Variants in ZNF562 observed in about 807,000 individuals in gnomAD.
The protein encoded by ZNF562 is zinc finger protein 562.
A neutral mutation model predicts 17.5 loss-of-function variants in ZNF562; 13 were observed. The ratio of observed to expected loss-of-function variants is 0.74; its 90% CI spans 0.48 to 1.18. The LOEUF is 1.18. ZNF562 is among the 50% of genes most tolerant of loss of function. The pLI is 0.00. For missense variants in ZNF562, 481 were observed against 498.5 expected, an observed-to-expected ratio of 0.96 and a Z score of 0.33; for synonymous variants, 163 against 165.4, an observed-to-expected ratio of 0.99 and a Z score of 0.11.
At position 9,648,477 on chromosome 19, in the gene ZNF562, A is replaced by C. The variant is rs2074824956; in HGVS notation, c.*4472T>G. The C allele has an allele frequency of 2.0e-5, 3 of 151,944 alleles. No homozygotes were observed. The South Asian group carries it at 6.2e-4, about 32-fold the overall frequency. 9.4% of individuals were successfully genotyped at this position (151,944 alleles called of 1,614,324 possible). On this transcript the variant is annotated 3_prime_UTR_variant, in exon 6 of 6. Transcript: ENST00000453372. ...ATCACCACACCCAGCTAATTTTTGTATTGTTAGTAGAGATGGGGTTTCACC... is the reference window on the plus strand; with the variant it reads ...ATCACCACACCCAGCTAATTTTTGTCTTGTTAGTAGAGATGGGGTTTCACC...
rs1555695047 is a variant in ZNF562, at chr19:9,650,405, T to TACACAA, written c.*2543_*2544insTTGTGT. 5.0e-5 allele frequency: 7 copies of TACACAA among 140,590 alleles called. No individual in the cohort carries two copies. The highest frequency in any genetic ancestry group is 4.4e-4 in the Admixed American group (6 of 13,742). 8.7% of individuals were successfully genotyped at this position (140,590 alleles called of 1,614,324 possible). A position where few individuals can be genotyped will look rare whatever the true frequency, so the allele number is the denominator to read the frequency against. ...ATATATATGTATATATATATACACATACACACACACACACACACACACACA... is the reference window on the plus strand; with the variant it reads ...ATATATATGTATATATATATACACATACACAAACACACACACACACACACACACACA... On this transcript the variant is annotated 3_prime_UTR_variant, in exon 6 of 6. Coordinates refer to ENST00000453372, the MANE Select transcript of ZNF562 (RefSeq NM_001130031.2).
In ZNF562 at chr19:9,652,445, GCAGC is replaced by G. The variant is rs1248870686; in HGVS notation, c.*500_*503del. On this transcript the variant is annotated 3_prime_UTR_variant, in exon 6 of 6. Transcript: ENST00000453372. ...ATTTTGACATGAATGTGCCACACTG[GCAGC>G]CACTAACCAACAGGGGCTGGGATCA... is the stretch of plus-strand genomic sequence containing the variant. 2 of 152,272 alleles carry G rather than the reference GCAGC, an allele frequency of 1.3e-5. No individual in the cohort carries two copies. The highest frequency in any genetic ancestry group is 3.9e-4 in the East Asian group (2 of 5,194). 9.4% of individuals were successfully genotyped at this position (152,272 alleles called of 1,614,324 possible). A position where few individuals can be genotyped will look rare whatever the true frequency, so the allele number is the denominator to read the frequency against.
chr19:9,669,150 A>G (rs2044054174), intron 1 of ZNF562, among the ~76,000 whole-genome samples: 1 of 152,214 alleles, frequency 6.6e-6, no homozygotes. Context: ...CCACAGCAAA[A>G]GAAACAATCA....
chr19:9,668,350 G>A (rs118094680), intron 1 of ZNF562, among the ~76,000 whole-genome samples: 4,324 of 152,132 alleles, frequency 0.028, 83 homozygotes, highest in Non-Finnish European at 0.042. Context: ...CTGTACTCCA[G>A]CCTGGGCAAC....
rs185370094 is a variant in ZNF562 at position 9,671,696 on chromosome 19, C to T, written c.-131+3319G>A. On this transcript the variant is annotated intron_variant, in intron 1 of 5. Transcript: ENST00000453372. ...ATCCAGCAGACCCAGTGATACTCAA[C>T]GTGTCCATGTTAAATGGCATGTTAT... 2.7e-3 allele frequency among the ~76,000 whole-genome samples: 415 copies of T among 152,340 alleles called. 9 individuals are homozygous for T. Among genetic ancestry groups the T allele is most frequent in the Middle Eastern group, 0.02 (6 of 294 alleles).
At chr19:9,674,067 G>C (rs928518574) in intron 1 of ZNF562, among the ~76,000 whole-genome samples, 2 of 152,238 alleles carry the variant, frequency 1.3e-5, no homozygotes, top group Admixed American at 6.5e-5. Context: ...AGGGGAAGGG[G>C]TTCTTATTCT....
At chr19:9,672,528 T>A (rs980818638) in intron 1 of ZNF562, among the ~76,000 whole-genome samples, 2 of 152,192 alleles carry the variant, frequency 1.3e-5, no homozygotes, top group South Asian at 4.1e-4. Context: ...GGATCAAATT[T>A]TTCAGAAAAA....
At position 9,645,754 on chromosome 19, in the gene ZNF562, G is replaced by A. The variant is rs1243594420; in HGVS notation, c.*7195C>T. ...CACTTCCTTCTGGGTCTCTCTCCAAGTGTAGTAAGTGTATATGGGAATCAC... is the reference window on the plus strand; with the variant it reads ...CACTTCCTTCTGGGTCTCTCTCCAAATGTAGTAAGTGTATATGGGAATCAC... On this transcript the variant is annotated 3_prime_UTR_variant, in exon 6 of 6. Coordinates refer to ENST00000453372, the MANE Select transcript of ZNF562 (RefSeq NM_001130031.2). 2.0e-5 allele frequency: 3 copies of A among 152,202 alleles called. No homozygotes were observed. Among genetic ancestry groups the A allele is most frequent in the Admixed American group, 6.5e-5 (1 of 15,276 alleles). 9.4% of individuals were successfully genotyped at this position (152,202 alleles called of 1,614,324 possible). A position where few individuals can be genotyped will look rare whatever the true frequency, so the allele number is the denominator to read the frequency against.
chr19:9,674,607 A>T (rs895564170), intron 1 of ZNF562: 3 of 152,088 alleles, frequency 2.0e-5, no homozygotes, highest in Admixed American at 2.0e-4. Flanking sequence ...AGCCCTCTTG[A>T]AACCATTTTT....
intron 1 of ZNF562, among the ~76,000 whole-genome samples, chr19:9,669,953 T>C (rs1466029792): frequency 1.3e-5 from 2 of 152,066 alleles, no homozygotes; most frequent in Non-Finnish European, 2.9e-5. Context: ...TCCCAGCTAC[T>C]CCAGAGGCTG....
Position 9,653,251 on chromosome 19 carries a change from T to C in ZNF562, c.979A>G (p.Arg327Gly). ...KCTECGKAFT[R>G]STHLTQHVRT... ...ACATGTTGAGTAAGGTGAGTTGATC[T>C]AGTGAAGGCTTTCCCACATTCCGTA... Residue 327 changes from arginine (R) to glycine (G), a missense_variant, in exon 6 of 6, where the codon AGA becomes GGA. By Grantham distance (125) the Arg-to-Gly change is moderately radical. Coordinates refer to ENST00000453372, the MANE Select transcript of ZNF562 (RefSeq NM_001130031.2). 1 of 1,614,226 alleles carries C rather than the reference T, an allele frequency of 6.2e-7. No homozygotes were observed. Among genetic ancestry groups the C allele is most frequent in the Non-Finnish European group, 8.5e-7 (1 of 1,180,026 alleles).
chr19:9,660,598 C>T (rs2043698813), intron 2 of ZNF562, 122 bp downstream of exon 2: 11 of 947,794 alleles, frequency 1.2e-5, no homozygotes, highest in Admixed American at 4.9e-5. Flanking sequence ...AAGAGCAAAA[C>T]TCCATCTAAA....
rs144311677 is a variant in ZNF562, at chr19:9,653,780, C to G, written c.450G>C (p.Gly150=). Residue 150 remains glycine (G), a synonymous_variant, in exon 6 of 6, where the codon GGG becomes GGC. Transcript: ENST00000453372. The part of the protein sequence containing the change: ...LKTHMRAQNG[G]NTFEGNCYGK... ...CATAACAATTACCCTCAAAAGTGTTCCCTCCATTCTGAGCTCTCATGTGTG... is the reference window on the plus strand; with the variant it reads ...CATAACAATTACCCTCAAAAGTGTTGCCTCCATTCTGAGCTCTCATGTGTG... 7.9e-5 allele frequency: 127 copies of G among 1,614,054 alleles called. No homozygotes were observed. The African/African-American group carries it at 1.5e-3, about 19-fold the overall frequency.
rs533899655 is a variant in ZNF562, at chr19:9,651,236, T to C, written c.*1713A>G. 3.9e-5 allele frequency: 6 copies of C among 152,240 alleles called. No individual in the cohort carries two copies. The highest frequency in any genetic ancestry group is 9.6e-5 in the African/African-American group (4 of 41,538). 9.4% of individuals were successfully genotyped at this position (152,240 alleles called of 1,614,324 possible). A position where few individuals can be genotyped will look rare whatever the true frequency, so the allele number is the denominator to read the frequency against. On this transcript the variant is annotated 3_prime_UTR_variant, in exon 6 of 6. Coordinates refer to ENST00000453372, the MANE Select transcript of ZNF562 (RefSeq NM_001130031.2). ...TAAGGGTTATTCTGGTGAGGTGTCA[T>C]TGGGGAATGAGGAACATGCTATTGG... is the stretch of plus-strand genomic sequence containing the variant.
chr19:9,674,364 C>G (rs1345544106), intron 1 of ZNF562, among the ~76,000 whole-genome samples: 2 of 151,466 alleles, frequency 1.3e-5, no homozygotes, highest in African/African-American at 4.9e-5. Flanking sequence ...AAGTAGAAGG[C>G]AAAGAATTAA....
chr19:9,663,112 A>G (rs1348176072), intron 1 of ZNF562, among the ~76,000 whole-genome samples: 4 of 151,588 alleles, frequency 2.6e-5, no homozygotes, highest in Non-Finnish European at 4.4e-5. Context: ...ATTTGAAAAA[A>G]CAGCCAGAAC....
intron 1 of ZNF562, among the ~76,000 whole-genome samples, chr19:9,661,727 G>A (rs1201797259): frequency 1.3e-5 from 2 of 152,128 alleles, no homozygotes; most frequent in Non-Finnish European, 2.9e-5. Context: ...CCCGGGAGGT[G>A]GAGGTTGCAG....
At chr19:9,665,571 G>T (rs535648444) in intron 1 of ZNF562, among the ~76,000 whole-genome samples, 4 of 152,238 alleles carry the variant, frequency 2.6e-5, no homozygotes, top group African/African-American at 7.2e-5. Context: ...TACTGTAGGG[G>T]TATGCTACAC....
intron 1 of ZNF562, among the ~76,000 whole-genome samples, chr19:9,662,561 C>CAA (rs924820513): frequency 1.7e-5 from 2 of 117,028 alleles, no homozygotes; most frequent in African/African-American, 3.2e-5. Context: ...GACTCCATCT[C>CAA]AAAAAAAAAA....
Sources: gnomAD v4.1 joint callset for allele counts (sites outside exome capture counted in the v4.1 genomes callset) on GRCh38, gnomAD v4.1.1 for gene constraint, MANE v1.5 for transcripts, NCBI Gene and HGNC (gene_info 2026-07-23, HGNC 2026-07-21) for gene names.